The following C1QTNF3 variants were observed in gnomAD, a reference collection of about 807,000 sequenced individuals.
C1QTNF3 encodes the protein C1q and TNF related 3.
C1QTNF3 carries 26 observed loss-of-function variants against 32.6 expected under a neutral mutation model. The ratio of observed to expected loss-of-function variants is 0.80; its 90% CI spans 0.58 to 1.11. The LOEUF (loss-of-function observed/expected upper bound fraction) is 1.11. Among genes scored for constraint, C1QTNF3 ranks in the 50% least tolerant of loss-of-function variants. C1QTNF3 has a pLI of 0.00. For synonymous variants in C1QTNF3, 155 were observed against 146.0 expected, an observed-to-expected ratio of 1.06 and a Z score of -0.44; for missense variants, 362 against 398.2, an observed-to-expected ratio of 0.91 and a Z score of 0.77.
At chr5:34,147,927 C>A in the C1QTNF3 span, among the ~76,000 whole-genome samples, 1 of 152,180 alleles carries the variant, frequency 6.6e-6, no homozygotes, top group African/African-American at 2.4e-5. Flanking sequence ...GTGATTTCTG[C>A]ATTTCCATCT....
the C1QTNF3 span, among the ~76,000 whole-genome samples, chr5:34,177,480 C>T: frequency 5.1e-4 from 43 of 84,660 alleles, no homozygotes; most frequent in Non-Finnish European, 6.7e-4. Context: ...CCATACCCAA[C>T]TTTTTTTTTT....
chr5:34,241,978 AAGG>A, the C1QTNF3 span, among the ~76,000 whole-genome samples: 79 of 149,762 alleles, frequency 5.3e-4, no homozygotes, highest in African/African-American at 1.9e-3. Flanking sequence ...GGAAGGAAGG[AAGG>A]AAGGAAGGAA....
chr5:34,027,123 T>C (rs987241523), intron 4 of C1QTNF3, among the ~76,000 whole-genome samples: 2 of 152,236 alleles, frequency 1.3e-5, no homozygotes, highest in South Asian at 2.1e-4. Flanking sequence ...GAGAACTTTG[T>C]ATAATATTTT....
At chr5:34,125,712 T>C in the C1QTNF3 span, among the ~76,000 whole-genome samples, 2 of 152,226 alleles carry the variant, frequency 1.3e-5, no homozygotes, top group Admixed American at 6.5e-5. Flanking sequence ...ATTAATGACA[T>C]GAAATATTCA....
intron 3 of C1QTNF3, chr5:34,033,035 A>G (rs1754654106): frequency 5.4e-6 from 2 of 369,964 alleles, no homozygotes; most frequent in African/African-American, 4.2e-5. Context: ...AGATAAGTTT[A>G]TATTTAGGGT....
At chr5:34,121,845 T>C in the C1QTNF3 span, among the ~76,000 whole-genome samples, 1 of 152,104 alleles carries the variant, frequency 6.6e-6, no homozygotes, top group Admixed American at 6.5e-5. Context: ...ATGAAATGAG[T>C]GACTTTATAA....
chr5:34,174,282 C>T, the C1QTNF3 span, among the ~76,000 whole-genome samples: 2 of 152,196 alleles, frequency 1.3e-5, no homozygotes, highest in Non-Finnish European at 2.9e-5. Flanking sequence ...TGCTCTCGAA[C>T]TCCTGACCTC....
the C1QTNF3 span, among the ~76,000 whole-genome samples, chr5:34,117,995 T>A: frequency 6.6e-6 from 1 of 152,210 alleles, no homozygotes; most frequent in Non-Finnish European, 1.5e-5. Context: ...TCATCTTATA[T>A]TTTTTGTAGT....
chr5:34,230,703 T>G, the C1QTNF3 span, among the ~76,000 whole-genome samples: 1 of 152,182 alleles, frequency 6.6e-6, no homozygotes, highest in African/African-American at 2.4e-5. Context: ...ATTTCAAGTG[T>G]TCAATATCTA....
At chr5:34,089,998 A>C in the C1QTNF3 span, among the ~76,000 whole-genome samples, 1 of 152,210 alleles carries the variant, frequency 6.6e-6, no homozygotes, top group African/African-American at 2.4e-5. Context: ...AATCATAATC[A>C]TAGCTCTATT....
chr5:34,025,464 G>C (rs1754437296), intron 4 of C1QTNF3, among the ~76,000 whole-genome samples: 1 of 152,234 alleles, frequency 6.6e-6, no homozygotes, highest in South Asian at 2.1e-4. Flanking sequence ...AAGTGAGTAT[G>C]TATTATACCC....
At chr5:34,146,104 T>C in the C1QTNF3 span, among the ~76,000 whole-genome samples, 1 of 152,036 alleles carries the variant, frequency 6.6e-6, no homozygotes, top group African/African-American at 2.4e-5. Context: ...AAGACAAAGG[T>C]GCCCACTCTC....
chr5:34,216,000 T>C, the C1QTNF3 span, among the ~76,000 whole-genome samples: 1 of 152,220 alleles, frequency 6.6e-6, no homozygotes, highest in Non-Finnish European at 1.5e-5. Context: ...AACCAGCCTG[T>C]GATTACTGTG....
the C1QTNF3 span, among the ~76,000 whole-genome samples, chr5:34,126,566 A>G: frequency 7.0e-5 from 10 of 143,862 alleles, no homozygotes; most frequent in Non-Finnish European, 1.5e-5. Context: ...AAATTAAATT[A>G]CCATATGATC....
chr5:34,216,858 G>C, the C1QTNF3 span, among the ~76,000 whole-genome samples: 1 of 152,108 alleles, frequency 6.6e-6, no homozygotes, highest in African/African-American at 2.4e-5. Flanking sequence ...AGGTAATAAT[G>C]CATTGCCACT....
rs1754909032 is a variant in C1QTNF3 at position 34,042,955 on chromosome 5, C to T, written c.171G>A (p.Val57=). ...TGRSGSRREK[V]RERSHPKTGT... is the part of the protein sequence containing the mutation. ...CAGTTTTAGGATGGCTCCGCTCTCT[C>T]ACTTTCTCCCTCCTGGAGCCGCTAC... The change falls in exon 1 of 6, where the codon GTG becomes GTA. Residue 57 remains valine (V), a synonymous_variant. Transcript: ENST00000382065. The T allele has an allele frequency of 6.2e-7, 1 of 1,614,104 alleles. No individual in the cohort carries two copies. Among genetic ancestry groups the T allele is most frequent in the African/African-American group, 1.3e-5 (1 of 74,932 alleles).
chr5:34,129,094 T>C, the C1QTNF3 span, among the ~76,000 whole-genome samples: 1 of 152,046 alleles, frequency 6.6e-6, no homozygotes, highest in Non-Finnish European at 1.5e-5. Context: ...TGAGTTCTCA[T>C]AAGATCTGGT....
chr5:34,020,819 T>A (rs1754310802), intron 5 of C1QTNF3, 77 bp from the exon 6 acceptor site: 2 of 1,429,528 alleles, frequency 1.4e-6, no homozygotes, highest in Non-Finnish European at 1.9e-6. Flanking sequence ...TGTGCTCCCC[T>A]TCTCTCCTTC....
At chr5:34,216,400 T>C in the C1QTNF3 span, among the ~76,000 whole-genome samples, 1 of 152,218 alleles carries the variant, frequency 6.6e-6, no homozygotes, top group Non-Finnish European at 1.5e-5. Context: ...AGTTATGATG[T>C]TTTGTGTACT....
Sources: allele counts gnomAD v4.1 joint callset (sites outside exome capture counted in the v4.1 genomes callset), GRCh38; gene constraint gnomAD v4.1.1; transcripts MANE v1.5; gene names NCBI Gene and HGNC (gene_info 2026-07-23, HGNC 2026-07-21).